The following RALGAPA1 variants were observed in gnomAD, a reference collection of about 807,000 sequenced individuals.
RALGAPA1 encodes ral GTPase-activating protein subunit alpha-1.
In RALGAPA1, 52 loss-of-function variants were observed where a neutral mutation model predicts 269.6. The observed-to-expected ratio is 0.19, with a 90% CI of 0.15 to 0.24. RALGAPA1 has a LOEUF of 0.24. Among genes scored for constraint, RALGAPA1 ranks in the 10% least tolerant of loss-of-function variants. The probability of loss-of-function intolerance (pLI) is 1.00; values close to 1 mark genes in which losing one functional copy is unlikely to be tolerated. For missense variants in RALGAPA1, 1,917 were observed against 3,013.9 expected (o/e 0.64, Z 8.52); for synonymous variants, 817 against 1,008.3 (o/e 0.81, Z 3.60).
chr14:35,730,521 A>T (rs1204067326), intron 12 of RALGAPA1, among the ~76,000 whole-genome samples: 1 of 151,766 alleles, frequency 6.6e-6, no homozygotes. Context: ...ACTGCCTGGA[A>T]ACAGACTCAG....
rs576888485 is a variant in RALGAPA1, at chr14:35,748,816, A to T, written c.1020T>A (p.Ala340=). The T allele has an allele frequency of 2.1e-5, 34 of 1,582,864 alleles. No individual in the cohort carries two copies. The highest frequency in any genetic ancestry group is 7.6e-5 in the Admixed American group (4 of 52,976). The part of the protein sequence containing the change: ...EVLPKNIQRA[A]ASLVSREESK... ...TTTCTTCTCTGGATACTAAACTAGC[A>T]GCTGCTCTCTAAAATACAAAAAAAA... The change falls in exon 10 of 42, where the codon GCT becomes GCA. Residue 340 remains alanine (A), a synonymous_variant. Coordinates refer to ENST00000680220, the MANE Select transcript of RALGAPA1 (RefSeq NM_001346249.2).
At chr14:35,732,994 T>A (rs1038337379) in intron 12 of RALGAPA1, among the ~76,000 whole-genome samples, 1 of 152,198 alleles carries the variant, frequency 6.6e-6, no homozygotes, top group Admixed American at 6.5e-5. Flanking sequence ...GGCCATATGA[T>A]AAACCACAAA....
intron 35 of RALGAPA1, among the ~76,000 whole-genome samples, chr14:35,618,534 T>A (rs2060401138): frequency 6.6e-6 from 1 of 152,124 alleles, no homozygotes; most frequent in Non-Finnish European, 1.5e-5. Flanking sequence ...AGAAGAGTTG[T>A]TTTCATCAGA....
intron 25 of RALGAPA1, among the ~76,000 whole-genome samples, chr14:35,671,757 T>C (rs1279330463): frequency 6.6e-6 from 1 of 152,202 alleles, no homozygotes; most frequent in Non-Finnish European, 1.5e-5. Flanking sequence ...AGCATTTTTT[T>C]CACACTAGAG....
intron 41 of RALGAPA1, among the ~76,000 whole-genome samples, chr14:35,540,785 T>C (rs115549549): frequency 0.023 from 3,453 of 152,262 alleles, 133 homozygotes; most frequent in South Asian, 0.15. Flanking sequence ...ACCACACAGG[T>C]TGCAGGTTTA....
chr14:35,796,988 C>T (rs773292506), intron 1 of RALGAPA1, among the ~76,000 whole-genome samples: 7 of 151,966 alleles, frequency 4.6e-5, no homozygotes, highest in Non-Finnish European at 8.8e-5. Flanking sequence ...AGGGTTTCAC[C>T]GTGTTAGCCA....
intron 41 of RALGAPA1, among the ~76,000 whole-genome samples, chr14:35,547,376 T>C (rs1232239200): frequency 2.0e-5 from 3 of 152,018 alleles, no homozygotes; most frequent in Non-Finnish European, 2.9e-5. Flanking sequence ...ATGCAAAATA[T>C]GGGGAGAACA....
chr14:35,807,050 T>C (rs2077428135), intron 1 of RALGAPA1, among the ~76,000 whole-genome samples: 1 of 152,196 alleles, frequency 6.6e-6, no homozygotes, highest in African/African-American at 2.4e-5. Context: ...AAAAAAACTC[T>C]ATGCCAAAAA....
At chr14:35,600,195 T>TTTCTTTTC (rs2059192584) in intron 36 of RALGAPA1, among the ~76,000 whole-genome samples, 1 of 149,914 alleles carries the variant, frequency 6.7e-6, no homozygotes, top group African/African-American at 2.5e-5. Flanking sequence ...TATTTTTAGG[T>TTTCTTTTC]TTCTTTTCTT....
intron 33 of RALGAPA1, among the ~76,000 whole-genome samples, chr14:35,630,253 A>G (rs1234044654): frequency 6.6e-6 from 1 of 152,044 alleles, no homozygotes; most frequent in Non-Finnish European, 1.5e-5. Context: ...AGTTATGTCT[A>G]CATAAATGTA....
At chr14:35,802,664 T>G (rs970644127) in intron 1 of RALGAPA1, among the ~76,000 whole-genome samples, 66 of 123,196 alleles carry the variant, frequency 5.4e-4, no homozygotes, top group African/African-American at 1.3e-3. Context: ...TGGTGGTGGG[T>G]TTTTTTTTTT....
In RALGAPA1 at chr14:35,809,018, C is replaced by T; in HGVS notation, c.-183G>A. The T allele has an allele frequency of 7.4e-6, 9 of 1,223,830 alleles. No homozygotes were observed. The highest frequency in any genetic ancestry group is 9.9e-6 in the Non-Finnish European group (9 of 911,920). The allele number at this position is 1,223,830 out of a possible 1,614,324, so 75.8% of individuals were successfully genotyped here. ...AGGCCAGGGCCGCCACCTCCACCCGCCTCGCGCCGCGGCTCCAAGGCACCT... is the reference window on the plus strand; with the variant it reads ...AGGCCAGGGCCGCCACCTCCACCCGTCTCGCGCCGCGGCTCCAAGGCACCT... On this transcript the variant is annotated 5_prime_UTR_variant, in exon 1 of 42. Coordinates refer to ENST00000680220, the MANE Select transcript of RALGAPA1 (RefSeq NM_001346249.2).
intron 31 of RALGAPA1, among the ~76,000 whole-genome samples, chr14:35,649,723 C>T (rs528477405): frequency 6.6e-6 from 1 of 152,136 alleles, no homozygotes; most frequent in African/African-American, 2.4e-5. Context: ...ACTTCTTTCT[C>T]TATTCTACCT....
At chr14:35,610,034 G>GA (rs1044613435) in intron 35 of RALGAPA1, among the ~76,000 whole-genome samples, 3 of 150,276 alleles carry the variant, frequency 2.0e-5, no homozygotes, top group African/African-American at 7.3e-5. Context: ...AAATAGAAGA[G>GA]AAAAACAATA....
chr14:35,727,340 T>C (rs1174020925), intron 13 of RALGAPA1, among the ~76,000 whole-genome samples: 1 of 143,250 alleles, frequency 7.0e-6, no homozygotes, highest in Non-Finnish European at 1.5e-5. Context: ...TATATATATA[T>C]ATATATAGTA....
At chr14:35,807,303 T>A (rs925279138) in intron 1 of RALGAPA1, among the ~76,000 whole-genome samples, 1 of 152,234 alleles carries the variant, frequency 6.6e-6, no homozygotes, top group Non-Finnish European at 1.5e-5. Flanking sequence ...TTTATTTCAA[T>A]GGCTTAACTC....
chr14:35,666,436 G>T (rs1461950944), intron 26 of RALGAPA1, among the ~76,000 whole-genome samples: 1 of 152,108 alleles, frequency 6.6e-6, no homozygotes, highest in Non-Finnish European at 1.5e-5. Flanking sequence ...TGTTGGCCAG[G>T]CTGGTCTCAA....
At chr14:35,760,615 C>T (rs1003704830) in intron 6 of RALGAPA1, among the ~76,000 whole-genome samples, 1 of 152,174 alleles carries the variant, frequency 6.6e-6, no homozygotes, top group African/African-American at 2.4e-5. Flanking sequence ...GCATGGCATG[C>T]CCCTTCCTCT....
At chr14:35,726,603 CA>C (rs1292636356) in intron 13 of RALGAPA1, among the ~76,000 whole-genome samples, 13 of 152,024 alleles carry the variant, frequency 8.6e-5, no homozygotes, top group Non-Finnish European at 1.8e-4. Flanking sequence ...GCCTGGGCAA[CA>C]AGGCGAAACA....
Sources: allele counts gnomAD v4.1 joint callset (sites outside exome capture counted in the v4.1 genomes callset), GRCh38; gene constraint gnomAD v4.1.1; transcripts MANE v1.5; gene names NCBI Gene and HGNC (gene_info 2026-07-23, HGNC 2026-07-21).